INSL6: variants seen among roughly 807,000 people sequenced by gnomAD.
The protein encoded by INSL6 is insulin-like peptide INSL6.
In INSL6, 16 loss-of-function variants were observed where a neutral mutation model predicts 9.4. The ratio of observed to expected loss-of-function variants is 1.70; its 90% CI spans 1.15 to 2.59. INSL6 has a LOEUF of 2.59. Among genes scored for constraint, INSL6 ranks in the 30% most tolerant of loss-of-function variants. The pLI is 0.00. For missense variants in INSL6, 391 were observed against 257.3 expected, an observed-to-expected ratio of 1.52 and a Z score of -3.56; for synonymous variants, 154 against 96.9, an observed-to-expected ratio of 1.59 and a Z score of -3.46.
the INSL6 span, among the ~76,000 whole-genome samples, chr9:5,044,105 T>C: frequency 1.3e-5 from 2 of 152,268 alleles, no homozygotes; most frequent in East Asian, 3.8e-4. Flanking sequence ...TGTTACTGGA[T>C]TAAGCTATGT....
chr9:5,056,879 C>G, the INSL6 span, among the ~76,000 whole-genome samples: 3 of 152,134 alleles, frequency 2.0e-5, no homozygotes, highest in African/African-American at 7.2e-5. Context: ...AAGTAACTTT[C>G]CAAGGGCACA....
intron 1 of INSL6, among the ~76,000 whole-genome samples, chr9:5,177,771 TC>T (rs1386088038): frequency 6.6e-6 from 1 of 152,124 alleles, no homozygotes; most frequent in Non-Finnish European, 1.5e-5. Context: ...ACTCAGCTGT[TC>T]CAGCCTCCCA....
At chr9:5,112,857 G>T in the INSL6 span, 2 of 471,382 alleles carry the variant, frequency 4.2e-6, no homozygotes, top group African/African-American at 2.0e-5. Context: ...TGAAAGGTAC[G>T]CCTCCGTGGG....
the INSL6 span, among the ~76,000 whole-genome samples, chr9:5,103,739 A>G: frequency 6.6e-6 from 1 of 152,212 alleles, no homozygotes; most frequent in African/African-American, 2.4e-5. Context: ...AGTGCAATCA[A>G]ATTAGAACTC....
intron 1 of INSL6, among the ~76,000 whole-genome samples, chr9:5,168,020 G>C (rs1157444047): frequency 1.3e-5 from 2 of 152,030 alleles, no homozygotes; most frequent in Non-Finnish European, 2.9e-5. Context: ...AACAAACAGG[G>C]AGCAACAACA....
At chr9:5,176,272 T>C (rs950174389) in intron 1 of INSL6, among the ~76,000 whole-genome samples, 6 of 152,200 alleles carry the variant, frequency 3.9e-5, no homozygotes, top group Non-Finnish European at 7.3e-5. Flanking sequence ...TTTTCAATAA[T>C]TGGTCTACCC....
At chr9:5,022,154 C>G in the INSL6 span, 1 of 1,614,136 alleles carries the variant, frequency 6.2e-7, no homozygotes, top group East Asian at 2.2e-5. Flanking sequence ...GATTATCTGA[C>G]CTTTCCATCT....
chr9:5,104,483 A>G, the INSL6 span, among the ~76,000 whole-genome samples: 1 of 152,220 alleles, frequency 6.6e-6, no homozygotes, highest in African/African-American at 2.4e-5. Flanking sequence ...CTAGAGGTAC[A>G]AAGAGGAGCT....
chr9:5,022,168 G>C, the INSL6 span: 1 of 1,614,164 alleles, frequency 6.2e-7, no homozygotes, highest in Non-Finnish European at 8.5e-7. Context: ...TCCATCTGGG[G>C]AGTATGTTGC....
chr9:5,112,710 A>C, the INSL6 span: 7 of 840,000 alleles, frequency 8.3e-6, no homozygotes, highest in Non-Finnish European at 1.2e-5. Flanking sequence ...CAAGTGCGAG[A>C]GCGGAACCTG....
chr9:5,174,512 A>G (rs1283792515), intron 1 of INSL6, among the ~76,000 whole-genome samples: 1 of 152,054 alleles, frequency 6.6e-6, no homozygotes, highest in Non-Finnish European at 1.5e-5. Flanking sequence ...CTTCCAACCT[A>G]AGTAGTTGTC....
the INSL6 span, among the ~76,000 whole-genome samples, chr9:5,034,546 C>T: frequency 2.6e-5 from 4 of 151,984 alleles, no homozygotes; most frequent in African/African-American, 9.7e-5. Flanking sequence ...GTCTCTCAGA[C>T]CACAGTGCAA....
the INSL6 span, among the ~76,000 whole-genome samples, chr9:5,060,152 G>T: frequency 6.6e-6 from 1 of 152,230 alleles, no homozygotes; most frequent in African/African-American, 2.4e-5. Flanking sequence ...ACACTTTATT[G>T]CTAAAAAATC....
rs1057038306 is a variant in INSL6 at position 5,170,634 on chromosome 9, C to T, written c.290-6369G>A. Reference sequence around the variant, plus strand: ...AGAAATGAAAGAAGAATCAAATAGACACAATAAAAAGGATAAAGGGGATAT... The same window carrying T: ...AGAAATGAAAGAAGAATCAAATAGATACAATAAAAAGGATAAAGGGGATAT... On this transcript the variant is annotated intron_variant, in intron 1 of 1. Transcript: ENST00000381641. 1.8e-4 allele frequency among the ~76,000 whole-genome samples: 27 copies of T among 148,482 alleles called. 1 individual carries two copies. The highest frequency in any genetic ancestry group is 1.3e-4 in the Non-Finnish European group (9 of 67,310).
chr9:5,118,557 C>G, the INSL6 span, among the ~76,000 whole-genome samples: 1 of 152,212 alleles, frequency 6.6e-6, no homozygotes, highest in African/African-American at 2.4e-5. Context: ...GGAACAATCC[C>G]TCCCCTCCAA....
At chr9:5,112,594 T>C in the INSL6 span, 1 of 775,116 alleles carries the variant, frequency 1.3e-6, no homozygotes, top group Non-Finnish European at 2.1e-6. Flanking sequence ...AGAGGGCTCT[T>C]AAGGAGCTGG....
the INSL6 span, among the ~76,000 whole-genome samples, chr9:5,040,579 T>G: frequency 6.6e-6 from 1 of 152,378 alleles, no homozygotes; most frequent in East Asian, 1.9e-4. Context: ...GATAATTGTC[T>G]TATCTCCAGA....
chr9:5,131,060 A>C (rs1824269978), intron 3 of INSL6, among the ~76,000 whole-genome samples: 1 of 152,202 alleles, frequency 6.6e-6, no homozygotes, highest in Non-Finnish European at 1.5e-5. Flanking sequence ...CATGTAGTAT[A>C]AGATTGTGAG....
downstream of INSL6, among the ~76,000 whole-genome samples, chr9:5,120,206 G>A (rs1353149917): frequency 2.0e-5 from 3 of 152,212 alleles, no homozygotes; most frequent in East Asian, 5.8e-4. Context: ...AAAAGTGGAA[G>A]GGCGAGAGGG....
Sources: allele counts gnomAD v4.1 joint callset (sites outside exome capture counted in the v4.1 genomes callset), GRCh38; gene constraint gnomAD v4.1.1; transcripts MANE v1.5; gene names NCBI Gene and HGNC (gene_info 2026-07-23, HGNC 2026-07-21).